Variants in FRMPD4 observed in about 807,000 individuals in gnomAD.
FRMPD4 encodes the protein FERM and PDZ domain-containing protein 4.
A neutral mutation model predicts 94.1 loss-of-function variants in FRMPD4; 22 were observed. The observed-to-expected ratio is 0.23, with a 90% CI of 0.17 to 0.33. The LOEUF (loss-of-function observed/expected upper bound fraction) is 0.33, where lower values mean the gene tolerates loss of function less well. Among genes scored for constraint, FRMPD4 ranks in the 10% least tolerant of loss-of-function variants. The pLI is 1.00. For synonymous variants in FRMPD4, 631 were observed against 548.6 expected (o/e 1.15, Z -2.10); for missense variants, 1,111 against 1,339.9 (o/e 0.83, Z 2.67).
chrX:12,523,208 A>G (rs887799835), intron 2 of FRMPD4, among the ~76,000 whole-genome samples: 1 of 111,775 alleles, frequency 8.9e-6, no homozygotes, highest in African/African-American at 3.3e-5. Flanking sequence ...ATTTCCTTTT[A>G]ATTTGTAGTT....
chrX:12,459,562 T>G (rs1186216682), intron 1 of FRMPD4, among the ~76,000 whole-genome samples: 2 of 111,561 alleles, frequency 1.8e-5, no homozygotes, highest in Non-Finnish European at 3.8e-5. Context: ...GCAGAATATT[T>G]TGTGTTTGAC....
intron 1 of FRMPD4, among the ~76,000 whole-genome samples, chrX:12,186,615 T>C (rs2056428620): frequency 2.7e-5 from 3 of 111,757 alleles, no homozygotes; most frequent in South Asian, 3.7e-4. Flanking sequence ...AAATATTAAA[T>C]AATACCAAGG....
At chrX:12,698,002 T>C (rs1295863844) in intron 9 of FRMPD4, among the ~76,000 whole-genome samples, 3 of 112,019 alleles carry the variant, frequency 2.7e-5, no homozygotes, top group Non-Finnish European at 5.6e-5. Flanking sequence ...TAAAATAACA[T>C]CTAATATAAG....
chrX:12,034,068 G>A (rs1406356182), intron 3 of FRMPD4, among the ~76,000 whole-genome samples: 2 of 112,437 alleles, frequency 1.8e-5, no homozygotes, highest in Non-Finnish European at 3.8e-5. Context: ...TGAAGAGGCC[G>A]TAGATTTATT....
At chrX:12,210,778 T>A (rs896896300) in intron 1 of FRMPD4, among the ~76,000 whole-genome samples, 6 of 110,559 alleles carry the variant, frequency 5.4e-5, no homozygotes, top group African/African-American at 2.0e-4. Context: ...AACCTGCAGT[T>A]TGAATTTAGA....
At chrX:12,134,437 C>A (rs141271027), upstream of FRMPD4, among the ~76,000 whole-genome samples, 45 of 112,078 alleles carry the variant, frequency 4.0e-4, no homozygotes, top group East Asian at 0.013. Context: ...TGAATGGATA[C>A]CTTGCTGTTA....
chrX:11,844,328 ATTTC>A (rs1307314855), intron 1 of FRMPD4, among the ~76,000 whole-genome samples: 2 of 109,890 alleles, frequency 1.8e-5, no homozygotes, highest in Non-Finnish European at 3.8e-5. Flanking sequence ...GTGCTTGCTT[ATTTC>A]TTTATTTCAC....
intron 9 of FRMPD4, among the ~76,000 whole-genome samples, chrX:12,696,078 T>C (rs1235087572): frequency 8.9e-6 from 1 of 112,832 alleles, no homozygotes. Context: ...ATAATTGTGG[T>C]TGAAAATTAT....
chrX:12,142,962 A>G (rs1406942655), intron 1 of FRMPD4, among the ~76,000 whole-genome samples: 2 of 112,123 alleles, frequency 1.8e-5, no homozygotes, highest in Non-Finnish European at 3.8e-5. Flanking sequence ...ACATACACAT[A>G]CACTGTTCAA....
chrX:12,090,195 C>T (rs1337944000), intron 3 of FRMPD4, among the ~76,000 whole-genome samples: 2 of 110,679 alleles, frequency 1.8e-5, no homozygotes, highest in African/African-American at 6.6e-5. Flanking sequence ...GTGGATTTCT[C>T]ATGAATGGTT....
At chrX:12,110,470 A>ATT (rs1366126701) in intron 3 of FRMPD4, among the ~76,000 whole-genome samples, 1 of 112,024 alleles carries the variant, frequency 8.9e-6, no homozygotes, top group Non-Finnish European at 1.9e-5. Flanking sequence ...ATCATACTGA[A>ATT]TGGGCAAAAA....
rs1215001279 is a variant in FRMPD4, at chrX:12,164,900, G to GT, written c.41+25895dup. 6.3e-5 allele frequency among the ~76,000 whole-genome samples: 7 copies of GT among 111,779 alleles called. No homozygotes were observed. The South Asian group carries it at 2.6e-3, about 42-fold the overall frequency. ...CGCCCACTTTTTGATGGGGTTGTTT[G>GT]TTTTTTTCTTGTAAATTTGTTTAAG... is the stretch of plus-strand genomic sequence containing the variant. On this transcript the variant is annotated intron_variant, in intron 1 of 16. Transcript: ENST00000675598.
At chrX:12,217,586 A>G (rs746736294) in intron 1 of FRMPD4, among the ~76,000 whole-genome samples, 5 of 112,487 alleles carry the variant, frequency 4.4e-5, no homozygotes, top group African/African-American at 6.5e-5. Context: ...GATTTTCATT[A>G]CAGTTCATCT....
chrX:12,240,527 C>T (rs2057117320), intron 1 of FRMPD4, among the ~76,000 whole-genome samples: 1 of 112,235 alleles, frequency 8.9e-6, no homozygotes, highest in Non-Finnish European at 1.9e-5. Flanking sequence ...ATGACTTCGT[C>T]TTATTTTAAG....
At chrX:11,838,161 G>C (rs1370213050) in intron 1 of FRMPD4, among the ~76,000 whole-genome samples, 1 of 111,314 alleles carries the variant, frequency 9.0e-6, no homozygotes, top group African/African-American at 3.3e-5. Flanking sequence ...ACACCACAAA[G>C]ATCTGCTACA....
chrX:12,403,072 C>G (rs1280253121), intron 1 of FRMPD4, among the ~76,000 whole-genome samples: 1 of 109,659 alleles, frequency 9.1e-6, no homozygotes, highest in Non-Finnish European at 1.9e-5. Flanking sequence ...AGTGCTTCCC[C>G]CTTAGAATCC....
intron 3 of FRMPD4, among the ~76,000 whole-genome samples, chrX:12,018,252 T>A (rs2054614413): frequency 3.6e-5 from 4 of 110,953 alleles, no homozygotes; most frequent in African/African-American, 1.3e-4. Flanking sequence ...ATCTGTATCA[T>A]GCCTTTCTCT....
chrX:11,887,373 C>T (rs1601822892), intron 3 of FRMPD4, among the ~76,000 whole-genome samples: 1 of 111,210 alleles, frequency 9.0e-6, no homozygotes, highest in African/African-American at 3.3e-5. Context: ...GCAGGCACCA[C>T]ACCCTGTTCC....
intron 1 of FRMPD4, among the ~76,000 whole-genome samples, chrX:12,211,077 A>T: frequency 8.9e-6 from 1 of 112,250 alleles, no homozygotes; most frequent in Admixed American, 9.4e-5. Context: ...TCTCAGTAAA[A>T]ACTCAGGAGA....
Sources: allele counts gnomAD v4.1 joint callset (sites outside exome capture counted in the v4.1 genomes callset), GRCh38; gene constraint gnomAD v4.1.1; transcripts MANE v1.5; gene names NCBI Gene and HGNC (gene_info 2026-07-23, HGNC 2026-07-21).